The following PBX1 variants were observed in gnomAD, a reference collection of about 807,000 sequenced individuals.
The protein encoded by PBX1 is pre-B-cell leukemia transcription factor 1.
In PBX1, 6 loss-of-function variants were observed where a neutral mutation model predicts 53.4. The observed-to-expected ratio is 0.11, with a 90% CI of 0.06 to 0.22. The LOEUF (loss-of-function observed/expected upper bound fraction) is 0.22. PBX1 is among the 10% of genes least tolerant of loss of function. PBX1 has a pLI of 1.00. For missense variants in PBX1, 251 were observed against 551.4 expected, an observed-to-expected ratio of 0.46 and a Z score of 5.46; for synonymous variants, 204 against 212.3, an observed-to-expected ratio of 0.96 and a Z score of 0.34.
At chr1:164,786,836 T>G (rs1032486541) in intron 2 of PBX1, among the ~76,000 whole-genome samples, 7 of 152,046 alleles carry the variant, frequency 4.6e-5, no homozygotes, top group African/African-American at 7.2e-5. Context: ...GAGTTAAAGA[T>G]CTAGAGTTCA....
Position 164,851,299 on chromosome 1 carries a change from A to G in PBX1, c.*4623A>G, listed in dbSNP as rs1671829464. The G allele has an allele frequency of 4.9e-6, 1 of 204,866 alleles. No homozygotes were observed. Among genetic ancestry groups the G allele is most frequent in the South Asian group, 1.9e-4 (1 of 5,292 alleles). The allele number at this position is 204,866 out of a possible 1,614,324, so 12.7% of individuals were successfully genotyped here. A position where few individuals can be genotyped will look rare whatever the true frequency, so the allele number is the denominator to read the frequency against. On this transcript the variant is annotated 3_prime_UTR_variant, in exon 9 of 9. Coordinates refer to ENST00000420696, the MANE Select transcript of PBX1 (RefSeq NM_002585.4). ...TTCAGAAAGTGGTCAGAACTTAAGC[A>G]AGAAAAGTAAAGAAAGAATGCAGAA...
intron 2 of PBX1, among the ~76,000 whole-genome samples, chr1:164,664,855 A>G (rs1464519769): frequency 6.6e-6 from 1 of 152,170 alleles, no homozygotes; most frequent in East Asian, 1.9e-4. Context: ...TATCAAGAGA[A>G]CAACGTGGGA....
intron 2 of PBX1, among the ~76,000 whole-genome samples, chr1:164,783,295 T>A (rs1668017346): frequency 2.0e-5 from 3 of 151,928 alleles, no homozygotes; most frequent in Non-Finnish European, 4.4e-5. Context: ...TTGAAATGTA[T>A]TCTATTGGCT....
chr1:164,822,149 C>T (rs16835208), intron 8 of PBX1, among the ~76,000 whole-genome samples: 2,159 of 152,158 alleles, frequency 0.014, 58 homozygotes, highest in African/African-American at 0.048. Flanking sequence ...GGTACGCTGG[C>T]GGCTCCTGAC....
chr1:164,562,450 AATAC>A (rs1197579068), intron 1 of PBX1, among the ~76,000 whole-genome samples: 3 of 91,076 alleles, frequency 3.3e-5, no homozygotes, highest in Non-Finnish European at 6.3e-5. Flanking sequence ...GTGCATTCAG[AATAC>A]ACACACACAC....
chr1:164,759,522 T>C (rs1046729490), intron 2 of PBX1, among the ~76,000 whole-genome samples: 9 of 152,172 alleles, frequency 5.9e-5, no homozygotes, highest in Admixed American at 3.9e-4. Flanking sequence ...TTTTTCTTTT[T>C]TTAAAGAAAG....
In PBX1 at chr1:164,713,185, TG is replaced by T. The variant is rs143701857; in HGVS notation, c.266-79307del. Among the ~76,000 whole-genome samples the T allele has an allele frequency of 4.1e-4, 62 of 152,302 alleles. No individual in the cohort carries two copies. In the East Asian group the frequency reaches 0.012, roughly 29 times the overall value. On this transcript the variant is annotated intron_variant, in intron 2 of 8. Transcript: ENST00000420696. The stretch of plus-strand genomic sequence containing the variant: ...AGTTTTCAGAGAAGTTTCTGCCTCT[TG>T]GTAAAACCTTCAAGGAAAGGCCCTT...
intron 2 of PBX1, among the ~76,000 whole-genome samples, chr1:164,873,715 C>A (rs981627167): frequency 2.6e-5 from 4 of 152,188 alleles, no homozygotes; most frequent in African/African-American, 9.7e-5. Flanking sequence ...CCGCACATGT[C>A]TTTTCCAGTT....
At chr1:164,749,626 T>C (rs1666088294) in intron 2 of PBX1, among the ~76,000 whole-genome samples, 1 of 152,164 alleles carries the variant, frequency 6.6e-6, no homozygotes, top group Admixed American at 6.6e-5. Flanking sequence ...CTTGGACCCT[T>C]TGACCACAAA....
chr1:164,631,707 A>G (rs937739592), intron 2 of PBX1, among the ~76,000 whole-genome samples: 4 of 152,240 alleles, frequency 2.6e-5, no homozygotes, highest in African/African-American at 4.8e-5. Flanking sequence ...ATCCAGATAC[A>G]CTTTAAACAA....
At chr1:164,870,281 CTTTCTTTCTT>C (rs1672335632) in intron 2 of PBX1, among the ~76,000 whole-genome samples, 1 of 23,706 alleles carries the variant, frequency 4.2e-5, no homozygotes, top group African/African-American at 1.5e-4. Flanking sequence ...TTCTTTCTTT[CTTTCTTTCTT>C]TCTTTCTTTC....
chr1:164,605,246 A>C (rs555920605), intron 2 of PBX1: 1 of 152,262 alleles, frequency 6.6e-6, no homozygotes, highest in Non-Finnish European at 1.5e-5. Flanking sequence ...GATAAAGGGG[A>C]TGTAAGGGGC....
At chr1:164,763,898 C>A (rs1666928874) in intron 2 of PBX1, among the ~76,000 whole-genome samples, 1 of 152,156 alleles carries the variant, frequency 6.6e-6, no homozygotes, top group Admixed American at 6.5e-5. Context: ...TCTGTGTGCT[C>A]CAGGCTACTA....
intron 6 of PBX1, chr1:164,816,147 T>C (rs187107690): frequency 6.6e-5 from 10 of 152,316 alleles, no homozygotes; most frequent in Admixed American, 3.3e-4. Context: ...TGAAAACAAT[T>C]TGTCCTGGAA....
chr1:164,763,348 A>G (rs1159679714), intron 2 of PBX1, among the ~76,000 whole-genome samples: 1 of 152,224 alleles, frequency 6.6e-6, no homozygotes, highest in Non-Finnish European at 1.5e-5. Context: ...CATTCCAGGC[A>G]TCAGAATGGA....
chr1:164,812,812 G>C (rs2102347294), intron 6 of PBX1: 1 of 152,072 alleles, frequency 6.6e-6, no homozygotes, highest in East Asian at 1.9e-4. Context: ...TATATTTTGG[G>C]GTGTGCCTTG....
intron 2 of PBX1, among the ~76,000 whole-genome samples, chr1:164,570,859 C>A (rs1260008584): frequency 6.6e-6 from 1 of 152,182 alleles, no homozygotes; most frequent in Non-Finnish European, 1.5e-5. Context: ...CATATCCTCT[C>A]CAGCATCTGT....
chr1:164,665,196 G>A (rs1660737219), intron 2 of PBX1, among the ~76,000 whole-genome samples: 1 of 152,140 alleles, frequency 6.6e-6, no homozygotes, highest in Non-Finnish European at 1.5e-5. Flanking sequence ...AAATAATTCA[G>A]TCTGGCTACT....
chr1:164,573,047 G>C (rs1389062063), intron 2 of PBX1, among the ~76,000 whole-genome samples: 1 of 152,152 alleles, frequency 6.6e-6, no homozygotes, highest in East Asian at 1.9e-4. Flanking sequence ...GAATCTCACA[G>C]AACAGTGCTT....
Sources: allele counts gnomAD v4.1 joint callset (sites outside exome capture counted in the v4.1 genomes callset), GRCh38; gene constraint gnomAD v4.1.1; transcripts MANE v1.5; gene names NCBI Gene and HGNC (gene_info 2026-07-23, HGNC 2026-07-21).